Variants in DKK2 observed in about 807,000 individuals in gnomAD.
DKK2 encodes dickkopf-related protein 2.
Under a neutral mutation model 28.1 loss-of-function variants are expected in DKK2, and 11 were observed. That is an observed-to-expected ratio of 0.39 (90% CI 0.25 to 0.65). The LOEUF (loss-of-function observed/expected upper bound fraction) is 0.65. Among genes scored for constraint, DKK2 ranks in the 30% least tolerant of loss-of-function variants. DKK2 has a pLI of 0.47. For missense variants in DKK2, 326 were observed against 335.5 expected (o/e 0.97, Z 0.22); for synonymous variants, 135 against 126.5 (o/e 1.07, Z -0.45).
At position 106,923,757 on chromosome 4, in the gene DKK2, C is replaced by A. The variant is rs1724382800; in HGVS notation, c.*197G>T. On this transcript the variant is annotated 3_prime_UTR_variant, in exon 4 of 4. Transcript: ENST00000285311. The stretch of plus-strand genomic sequence containing the variant: ...ATAGACAAGTTGCATAATGGAAACA[C>A]TGGCTGCACTGCATTTGTCACCCAT... 1 of 677,050 alleles carries A rather than the reference C, an allele frequency of 1.5e-6. No homozygotes were observed. Among genetic ancestry groups the A allele is most frequent in the Non-Finnish European group, 2.4e-6 (1 of 416,302 alleles). 41.9% of individuals were successfully genotyped at this position (677,050 alleles called of 1,614,324 possible).
chr4:106,963,535 T>C (rs1722723938), intron 1 of DKK2, among the ~76,000 whole-genome samples: 1 of 152,154 alleles, frequency 6.6e-6, no homozygotes, highest in Non-Finnish European at 1.5e-5. Flanking sequence ...GGCAATAATG[T>C]ATGCTGGTGA....
chr4:107,019,570 C>T (rs532992800), intron 1 of DKK2, among the ~76,000 whole-genome samples: 1 of 152,046 alleles, frequency 6.6e-6, no homozygotes, highest in African/African-American at 2.4e-5. Context: ...TATCTAGTCA[C>T]ATTAATGCTG....
At chr4:106,982,123 A>T (rs1298614931) in intron 1 of DKK2, among the ~76,000 whole-genome samples, 8 of 152,222 alleles carry the variant, frequency 5.3e-5, no homozygotes, top group Admixed American at 5.2e-4. Flanking sequence ...AAGGATAAAA[A>T]TTTATGAAGT....
intron 1 of DKK2, among the ~76,000 whole-genome samples, chr4:107,018,808 C>T (rs1051067969): frequency 6.6e-6 from 1 of 152,030 alleles, no homozygotes; most frequent in Non-Finnish European, 1.5e-5. Context: ...TTAGTAGTAA[C>T]TGCCTATCTT....
intron 2 of DKK2, among the ~76,000 whole-genome samples, chr4:106,924,921 A>G (rs1724404815): frequency 6.6e-6 from 1 of 152,182 alleles, no homozygotes; most frequent in African/African-American, 2.4e-5. Context: ...AGACCAAGTG[A>G]CCTTGGACAA....
chr4:107,028,990 A>C (rs542662810), intron 1 of DKK2, among the ~76,000 whole-genome samples: 2 of 152,300 alleles, frequency 1.3e-5, no homozygotes, highest in Admixed American at 6.5e-5. Context: ...TTAATGGGAA[A>C]GAGTAGAAGA....
intron 1 of DKK2, among the ~76,000 whole-genome samples, chr4:106,958,751 C>A (rs981985235): frequency 6.6e-6 from 1 of 150,600 alleles, no homozygotes; most frequent in Non-Finnish European, 1.5e-5. Context: ...GCAGGAGAAT[C>A]GCCTGAACCC....
intron 1 of DKK2, among the ~76,000 whole-genome samples, chr4:107,020,480 C>T (rs916607502): frequency 6.6e-6 from 1 of 151,934 alleles, no homozygotes; most frequent in East Asian, 1.9e-4. Flanking sequence ...TGAACAACTG[C>T]AAGAACATTT....
chr4:106,962,491 A>ATGTG (rs59831895), intron 1 of DKK2, among the ~76,000 whole-genome samples: 1,324 of 117,644 alleles, frequency 0.011, 18 homozygotes, highest in East Asian at 0.017. Context: ...CAGAAAAACT[A>ATGTG]TGTGTGTGTG....
rs7669876 is a variant in DKK2 at position 107,008,030 on chromosome 4, G to A, written c.222+27340C>T. 4.3e-3 allele frequency among the ~76,000 whole-genome samples: 659 copies of A among 152,156 alleles called. 2 individuals carry two copies. The highest frequency in any genetic ancestry group is 0.013 in the African/African-American group (544 of 41,534). On this transcript the variant is annotated intron_variant, in intron 1 of 3. Transcript: ENST00000285311. ...CTGGCAAAAACTTGTTTGATTCAATGCCATTGCTCTTTACTAGTTATGTCC... is the reference window on the plus strand; with the variant it reads ...CTGGCAAAAACTTGTTTGATTCAATACCATTGCTCTTTACTAGTTATGTCC...
At chr4:106,983,358 A>AAG (rs1723061757) in intron 1 of DKK2, among the ~76,000 whole-genome samples, 3 of 141,020 alleles carry the variant, frequency 2.1e-5, no homozygotes, top group Non-Finnish European at 1.5e-5. Flanking sequence ...GAAAGAAAGA[A>AAG]AGAAAGAAAG....
intron 1 of DKK2, among the ~76,000 whole-genome samples, chr4:106,972,554 C>G (rs1722883813): frequency 6.6e-6 from 1 of 151,920 alleles, no homozygotes; most frequent in Non-Finnish European, 1.5e-5. Flanking sequence ...TAAGTTGTCA[C>G]TTTTTCCCTC....
chr4:106,977,404 A>G (rs1264898696), intron 1 of DKK2, among the ~76,000 whole-genome samples: 1 of 152,128 alleles, frequency 6.6e-6, no homozygotes, highest in Admixed American at 6.5e-5. Flanking sequence ...GTCTTTTCAC[A>G]TAGTCTCATA....
intron 1 of DKK2, among the ~76,000 whole-genome samples, chr4:106,944,333 A>G (rs2110344736): frequency 6.6e-6 from 1 of 152,238 alleles, no homozygotes; most frequent in East Asian, 1.9e-4. Flanking sequence ...GTGAAACCTC[A>G]TGGCATGTTC....
chr4:107,015,405 C>T (rs1188326365), intron 1 of DKK2, among the ~76,000 whole-genome samples: 1 of 151,490 alleles, frequency 6.6e-6, no homozygotes, highest in East Asian at 1.9e-4. Context: ...TTGTTTATCT[C>T]TCTTGTAACT....
intron 1 of DKK2, among the ~76,000 whole-genome samples, chr4:107,017,021 G>A (rs955728552): frequency 1.3e-5 from 2 of 151,976 alleles, no homozygotes; most frequent in African/African-American, 4.8e-5. Context: ...GGAGCGACTA[G>A]AGATGGTGAG....
intron 1 of DKK2, among the ~76,000 whole-genome samples, chr4:107,031,528 C>T (rs1187432871): frequency 6.6e-6 from 1 of 152,014 alleles, no homozygotes; most frequent in East Asian, 1.9e-4. Flanking sequence ...ATCCAAACCA[C>T]TATCCTTGAA....
chr4:106,953,617 C>T (rs1471324399), intron 1 of DKK2, among the ~76,000 whole-genome samples: 1 of 152,110 alleles, frequency 6.6e-6, no homozygotes, highest in Non-Finnish European at 1.5e-5. Flanking sequence ...TCTTTCCACC[C>T]ATCACTCAGA....
In DKK2 at chr4:106,923,950, G is replaced by T. The variant is rs1291766297; in HGVS notation, c.*4C>A. On this transcript the variant is annotated 3_prime_UTR_variant, in exon 4 of 4. Transcript: ENST00000285311. ...CTGCAATTGATGATGTTCCTCAATGGTGATCAAATTTTCTGACACACATGG... is the reference window on the plus strand; with the variant it reads ...CTGCAATTGATGATGTTCCTCAATGTTGATCAAATTTTCTGACACACATGG... The T allele has an allele frequency of 1.2e-6, 2 of 1,612,964 alleles. No individual in the cohort carries two copies.
Sources: allele counts gnomAD v4.1 joint callset (sites outside exome capture counted in the v4.1 genomes callset), GRCh38; gene constraint gnomAD v4.1.1; transcripts MANE v1.5; gene names NCBI Gene and HGNC (gene_info 2026-07-23, HGNC 2026-07-21).